Variants in PLD5 observed in about 807,000 individuals in gnomAD.
The protein encoded by PLD5 is inactive phospholipase D5.
PLD5 carries 36 observed loss-of-function variants against 61.1 expected under a neutral mutation model. The ratio of observed to expected loss-of-function variants is 0.59; its 90% CI spans 0.45 to 0.78. The LOEUF (loss-of-function observed/expected upper bound fraction) is 0.78. Among genes scored for constraint, PLD5 ranks in the 30% least tolerant of loss-of-function variants. PLD5 has a pLI of 0.00. For synonymous variants in PLD5, 243 were observed against 242.8 expected (o/e 1.00, Z -0.01); for missense variants, 515 against 644.4 (o/e 0.80, Z 2.17).
chr1:242,212,658 G>A (rs1223339783), intron 5 of PLD5, among the ~76,000 whole-genome samples: 1 of 152,202 alleles, frequency 6.6e-6, no homozygotes, highest in East Asian at 1.9e-4. Context: ...CACAGACAAA[G>A]CACAGCGCCT....
chr1:242,442,999 G>A (rs1666345392), intron 1 of PLD5, among the ~76,000 whole-genome samples: 1 of 152,112 alleles, frequency 6.6e-6, no homozygotes, highest in Non-Finnish European at 1.5e-5. Context: ...TAGCAACATT[G>A]CAATATAGCC....
At chr1:242,145,022 A>G (rs905949050) in intron 5 of PLD5, among the ~76,000 whole-genome samples, 1 of 152,196 alleles carries the variant, frequency 6.6e-6, no homozygotes, top group African/African-American at 2.4e-5. Flanking sequence ...CCCTCAGAAC[A>G]ACTATGTTAG....
chr1:242,515,537 A>G (rs1433082046), intron 1 of PLD5, among the ~76,000 whole-genome samples: 1 of 152,212 alleles, frequency 6.6e-6, no homozygotes, highest in Non-Finnish European at 1.5e-5. Flanking sequence ...CTTGACATAA[A>G]TGGAATCATA....
Position 242,107,855 on chromosome 1 carries a change from C to A in PLD5, c.1071-16G>T. On this transcript the variant is annotated splice_polypyrimidine_tract_variant and intron_variant, in intron 7 of 9. Coordinates refer to ENST00000536534, the MANE Select transcript of PLD5 (RefSeq NM_001372062.1). Reference sequence around the variant, plus strand: ...CCAGTAAGTCCTGCAGAAATCATATCCAAATAGAAAAAATAAACTAAGTTA... The same window carrying A: ...CCAGTAAGTCCTGCAGAAATCATATACAAATAGAAAAAATAAACTAAGTTA... The A allele has an allele frequency of 6.4e-7, 1 of 1,564,806 alleles. No homozygotes were observed. The highest frequency in any genetic ancestry group is 1.4e-5 in the African/African-American group (1 of 72,374).
intron 3 of PLD5, among the ~76,000 whole-genome samples, chr1:242,279,450 ACT>A (rs533068284): frequency 8.3e-4 from 127 of 152,150 alleles, no homozygotes; most frequent in African/African-American, 2.8e-3. Context: ...TCCCCAGGTG[ACT>A]CTGACTGGCA....
At chr1:242,460,625 AC>A (rs1667088207) in intron 1 of PLD5, among the ~76,000 whole-genome samples, 1 of 151,568 alleles carries the variant, frequency 6.6e-6, no homozygotes, top group East Asian at 1.9e-4. Flanking sequence ...CACACAAACA[AC>A]ACATACATAC....
chr1:242,496,048 C>T (rs111872834), intron 1 of PLD5, among the ~76,000 whole-genome samples: 7 of 152,334 alleles, frequency 4.6e-5, no homozygotes, highest in African/African-American at 1.4e-4. Flanking sequence ...TTTGCTTTAG[C>T]AATTATCATT....
intron 5 of PLD5, among the ~76,000 whole-genome samples, chr1:242,163,911 A>ATG (rs1222237752): frequency 7.5e-5 from 10 of 134,016 alleles, no homozygotes; most frequent in South Asian, 4.8e-4. Flanking sequence ...GAGTTATAAA[A>ATG]TGTGTGTGTG....
At chr1:242,252,252 G>A (rs1296205862) in intron 4 of PLD5, among the ~76,000 whole-genome samples, 4 of 152,252 alleles carry the variant, frequency 2.6e-5, no homozygotes, top group African/African-American at 9.6e-5. Context: ...CAGAAATAGA[G>A]CTTGGCATCT....
chr1:242,315,987 C>T (rs1212054371), intron 2 of PLD5, among the ~76,000 whole-genome samples: 2 of 152,110 alleles, frequency 1.3e-5, no homozygotes, highest in Non-Finnish European at 2.9e-5. Context: ...TGGGCCTGGG[C>T]TTGAATCCTC....
chr1:242,188,297 G>A (rs1668034905), intron 5 of PLD5, among the ~76,000 whole-genome samples: 3 of 152,186 alleles, frequency 2.0e-5, no homozygotes, highest in South Asian at 4.1e-4. Flanking sequence ...AAGAAGCTAT[G>A]AGGATAGGGG....
chr1:242,158,732 G>T (rs2148837269), intron 5 of PLD5, among the ~76,000 whole-genome samples: 1 of 152,174 alleles, frequency 6.6e-6, no homozygotes, highest in East Asian at 1.9e-4. Context: ...ATCTCACTGG[G>T]AGCTGCAGAC....
intron 1 of PLD5, among the ~76,000 whole-genome samples, chr1:242,398,646 T>C (rs1265999702): frequency 1.3e-5 from 2 of 149,640 alleles, no homozygotes; most frequent in African/African-American, 5.0e-5. Context: ...ATTCTTGTTA[T>C]ATTAGCTTTG....
intron 1 of PLD5, among the ~76,000 whole-genome samples, chr1:242,484,213 G>A (rs1368169949): frequency 6.6e-6 from 1 of 152,086 alleles, no homozygotes; most frequent in Non-Finnish European, 1.5e-5. Context: ...TAAGATCAGA[G>A]CAGAACTAAA....
chr1:242,267,214 G>A (rs1261443723), intron 3 of PLD5, among the ~76,000 whole-genome samples: 1 of 151,302 alleles, frequency 6.6e-6, no homozygotes, highest in Admixed American at 6.6e-5. Context: ...AAAGGGAAAG[G>A]GAGAAACTGA....
chr1:242,115,168 A>T (rs1661842591), intron 6 of PLD5, among the ~76,000 whole-genome samples: 1 of 152,076 alleles, frequency 6.6e-6, no homozygotes, highest in Non-Finnish European at 1.5e-5. Context: ...ACAGAGCAAG[A>T]TGCTGTCTGA....
intron 1 of PLD5, among the ~76,000 whole-genome samples, chr1:242,495,158 C>T (rs1169944942): frequency 6.6e-6 from 1 of 152,084 alleles, no homozygotes; most frequent in Non-Finnish European, 1.5e-5. Context: ...TGCTTCTTGC[C>T]TTCAGAAGCA....
intron 1 of PLD5, among the ~76,000 whole-genome samples, chr1:242,486,613 A>G (rs141121597): frequency 0.043 from 6,547 of 152,114 alleles, 223 homozygotes; most frequent in Middle Eastern, 0.061. Flanking sequence ...ACTGTTGCTG[A>G]GACTGTAAAC....
At chr1:242,349,674 A>G (rs1660363068) in intron 1 of PLD5, among the ~76,000 whole-genome samples, 1 of 152,184 alleles carries the variant, frequency 6.6e-6, no homozygotes, top group Non-Finnish European at 1.5e-5. Flanking sequence ...CTAGGGGCTC[A>G]TGGCTAAAAG....
Sources: allele counts gnomAD v4.1 joint callset (sites outside exome capture counted in the v4.1 genomes callset), GRCh38; gene constraint gnomAD v4.1.1; transcripts MANE v1.5; gene names NCBI Gene and HGNC (gene_info 2026-07-23, HGNC 2026-07-21).